Variants in DNAAF9 observed in about 807,000 individuals in gnomAD.
DNAAF9 encodes the protein shulin.
DNAAF9 carries 90 observed loss-of-function variants against 167.0 expected under a neutral mutation model. That is an observed-to-expected ratio of 0.54 (90% CI 0.45 to 0.64). The LOEUF (loss-of-function observed/expected upper bound fraction) is 0.64. Among genes scored for constraint, DNAAF9 ranks in the 30% least tolerant of loss-of-function variants. The probability of loss-of-function intolerance (pLI) is 0.00; values close to 1 mark genes in which losing one functional copy is unlikely to be tolerated. For synonymous variants in DNAAF9, 491 were observed against 508.8 expected (o/e 0.96, Z 0.47); for missense variants, 1,315 against 1,442.2 (o/e 0.91, Z 1.43).
rs376799849 is a variant in DNAAF9 at position 3,338,733 on chromosome 20, A to T, written c.981+1771T>A. On this transcript the variant is annotated intron_variant, in intron 10 of 36. Transcript: ENST00000252032. ...AATGGTGCGATCTCAGCTCACTGCAACCTCCGCCTCCTGGGTTCAAGCGAT... is the reference window on the plus strand; with the variant it reads ...AATGGTGCGATCTCAGCTCACTGCATCCTCCGCCTCCTGGGTTCAAGCGAT... Among the ~76,000 whole-genome samples, 412 of 145,638 alleles carry T rather than the reference A, an allele frequency of 2.8e-3. 1 individual carries two copies. The highest frequency in any genetic ancestry group is 9.8e-3 in the African/African-American group (387 of 39,296).
At chr20:3,401,645 T>C (rs2083986148) in intron 1 of DNAAF9, among the ~76,000 whole-genome samples, 1 of 152,176 alleles carries the variant, frequency 6.6e-6, no homozygotes, top group Non-Finnish European at 1.5e-5. Context: ...TCATAATAGC[T>C]AACAATAGCA....
At chr20:3,336,937 T>C (rs1490350242) in intron 10 of DNAAF9, among the ~76,000 whole-genome samples, 1 of 149,586 alleles carries the variant, frequency 6.7e-6, no homozygotes, top group African/African-American at 2.5e-5. Context: ...CTGGAGGCAG[T>C]GGCACGATCT....
At chr20:3,333,094 C>T (rs34959678) in intron 10 of DNAAF9, among the ~76,000 whole-genome samples, 3,877 of 152,258 alleles carry the variant, frequency 0.025, 65 homozygotes, top group Non-Finnish European at 0.039. Context: ...AAGCCCCTGG[C>T]TGACATGACA....
At chr20:3,397,836 C>T (rs2123296386) in intron 1 of DNAAF9, among the ~76,000 whole-genome samples, 2 of 152,160 alleles carry the variant, frequency 1.3e-5, no homozygotes, top group Admixed American at 1.3e-4. Context: ...TGTTGTTTTA[C>T]CATGCTTCTA....
At chr20:3,406,015 G>A (rs2084049737) in intron 1 of DNAAF9, among the ~76,000 whole-genome samples, 1 of 152,174 alleles carries the variant, frequency 6.6e-6, no homozygotes, top group Non-Finnish European at 1.5e-5. Flanking sequence ...TACACTGAAG[G>A]GCAGAGCAGG....
chr20:3,265,043 C>T (rs11699297), intron 30 of DNAAF9, among the ~76,000 whole-genome samples: 1,978 of 152,224 alleles, frequency 0.013, 19 homozygotes, highest in Middle Eastern at 0.034. Context: ...TACAGAACTA[C>T]GATATCATGA....
chr20:3,401,318 G>A (rs1478959245), intron 1 of DNAAF9, among the ~76,000 whole-genome samples: 1 of 151,954 alleles, frequency 6.6e-6, no homozygotes. Flanking sequence ...CAATTCTCCT[G>A]CCTCAGCCTC....
chr20:3,299,601 C>T (rs990383230), intron 21 of DNAAF9, among the ~76,000 whole-genome samples: 16 of 152,156 alleles, frequency 1.1e-4, no homozygotes, highest in Admixed American at 4.6e-4. Context: ...CGTGAGCCAC[C>T]GCACCCGGCC....
At chr20:3,307,335 C>T (rs1031047045) in intron 20 of DNAAF9, 4 of 160,706 alleles carry the variant, frequency 2.5e-5, no homozygotes, top group African/African-American at 9.6e-5. Context: ...GCAGCTGCCC[C>T]TTAGCCTGGC....
chr20:3,257,201 G>T (rs1442341360), intron 33 of DNAAF9, among the ~76,000 whole-genome samples: 2 of 152,112 alleles, frequency 1.3e-5, no homozygotes, highest in Non-Finnish European at 2.9e-5. Context: ...AACAAAAAAA[G>T]AGTCAATAGC....
intron 17 of DNAAF9, 132 bp downstream of exon 17, chr20:3,318,157 C>T: frequency 4.7e-6 from 2 of 427,244 alleles, no homozygotes. Flanking sequence ...GGCTGGAGTG[C>T]AGTGCTGTGA....
chr20:3,320,301 G>T (rs1030649628), intron 16 of DNAAF9, among the ~76,000 whole-genome samples: 1 of 152,158 alleles, frequency 6.6e-6, no homozygotes, highest in African/African-American at 2.4e-5. Context: ...AGGACTATAG[G>T]AATACTTGTA....
chr20:3,286,984 C>G (rs2068863128), intron 27 of DNAAF9, among the ~76,000 whole-genome samples: 1 of 152,196 alleles, frequency 6.6e-6, no homozygotes, highest in South Asian at 2.1e-4. Context: ...CCCTGAAAGG[C>G]CTTAGAACAG....
At chr20:3,346,203 T>C (rs1001670655) in intron 8 of DNAAF9, among the ~76,000 whole-genome samples, 2 of 152,192 alleles carry the variant, frequency 1.3e-5, no homozygotes, top group Non-Finnish European at 2.9e-5. Flanking sequence ...ATTCATATAG[T>C]GCTGGTGGGA....
rs1335895049 is a variant in DNAAF9 at position 3,255,219 on chromosome 20, G to A, written c.3327C>T (p.His1109=). ...GGAGAAGCCAGGGCAAGGCACTCACGTGGATGCTCCTGATCTCCTGTTGCG... is the reference window on the plus strand; with the variant it reads ...GGAGAAGCCAGGGCAAGGCACTCACATGGATGCTCCTGATCTCCTGTTGCG... ...MLTQQEIRSI[H]VKRHLEPLPA... The change falls in exon 35 of 37, where the codon CAC becomes CAT. Residue 1109 remains histidine (H), a splice_region_variant and synonymous_variant. Transcript: ENST00000252032. 2.1e-5 allele frequency: 33 copies of A among 1,547,132 alleles called. No homozygotes were observed. The highest frequency in any genetic ancestry group is 2.8e-5 in the Non-Finnish European group (32 of 1,143,124).
chr20:3,321,374 T>C (rs2236117), intron 16 of DNAAF9, among the ~76,000 whole-genome samples: 31,278 of 152,116 alleles, frequency 0.21, 3,513 homozygotes, highest in African/African-American at 0.28. Context: ...TACAGCATGT[T>C]ACTATACTGA....
intron 33 of DNAAF9, among the ~76,000 whole-genome samples, chr20:3,258,899 C>T (rs2068329454): frequency 6.6e-6 from 1 of 152,216 alleles, no homozygotes; most frequent in Admixed American, 6.5e-5. Context: ...TTTTCTGCCT[C>T]TGGATTATAG....
At chr20:3,361,836 G>T in intron 6 of DNAAF9, 1 of 1,430,354 alleles carries the variant, frequency 7.0e-7, no homozygotes, top group South Asian at 1.2e-5. Context: ...TGCTTAAATC[G>T]AATGTTGGGG....
chr20:3,402,709 T>A (rs754775737), intron 1 of DNAAF9, among the ~76,000 whole-genome samples: 53 of 152,034 alleles, frequency 3.5e-4, no homozygotes, highest in Non-Finnish European at 8.8e-5. Context: ...TCCTGAGTAG[T>A]TGGAATCACA....
Sources: gnomAD v4.1 joint callset for allele counts (sites outside exome capture counted in the v4.1 genomes callset) on GRCh38, gnomAD v4.1.1 for gene constraint, MANE v1.5 for transcripts, NCBI Gene and HGNC (gene_info 2026-07-23, HGNC 2026-07-21) for gene names.